Variants in ZFAND3 observed in about 807,000 individuals in gnomAD.
ZFAND3 encodes the protein zinc finger AN1-type containing 3.
A neutral mutation model predicts 29.6 loss-of-function variants in ZFAND3; 10 were observed. The ratio of observed to expected loss-of-function variants is 0.34; its 90% CI spans 0.21 to 0.57. The LOEUF (loss-of-function observed/expected upper bound fraction) is 0.57, where lower values mean the gene tolerates loss of function less well. ZFAND3 is among the 20% of genes least tolerant of loss of function. The probability of loss-of-function intolerance (pLI) is 0.86; values close to 1 mark genes in which losing one functional copy is unlikely to be tolerated. For missense variants in ZFAND3, 230 were observed against 304.5 expected, an observed-to-expected ratio of 0.76 and a Z score of 1.82; for synonymous variants, 128 against 112.6, an observed-to-expected ratio of 1.14 and a Z score of -0.87.
chr6:37,867,008 C>G (rs1345316550), intron 1 of ZFAND3, among the ~76,000 whole-genome samples: 1 of 152,178 alleles, frequency 6.6e-6, no homozygotes, highest in African/African-American at 2.4e-5. Context: ...TTGTCTCAGA[C>G]AGATGATGAC....
At chr6:37,881,863 AC>A (rs1356839470) in intron 1 of ZFAND3, among the ~76,000 whole-genome samples, 5 of 152,202 alleles carry the variant, frequency 3.3e-5, no homozygotes, top group East Asian at 1.9e-4. Context: ...AAAAAAAAAA[AC>A]ATTCCTTTGG....
intron 1 of ZFAND3, among the ~76,000 whole-genome samples, chr6:37,873,053 T>C (rs988310556): frequency 1.4e-4 from 21 of 152,106 alleles, no homozygotes; most frequent in African/African-American, 5.1e-4. Flanking sequence ...GGTCAGGAGA[T>C]CGAGACCATC....
chr6:37,983,109 A>G (rs1762606789), intron 2 of ZFAND3, among the ~76,000 whole-genome samples: 1 of 152,206 alleles, frequency 6.6e-6, no homozygotes, highest in Non-Finnish European at 1.5e-5. Flanking sequence ...AAAGAGTCCA[A>G]GGTTTTAAAA....
intron 1 of ZFAND3, among the ~76,000 whole-genome samples, chr6:37,849,589 T>C (rs963293755): frequency 3.3e-5 from 5 of 152,070 alleles, no homozygotes; most frequent in African/African-American, 2.4e-5. Context: ...TTTGTATTTT[T>C]AGTAGAGACG....
chr6:38,034,920 G>A (rs942969320), intron 2 of ZFAND3, among the ~76,000 whole-genome samples: 1 of 152,120 alleles, frequency 6.6e-6, no homozygotes, highest in African/African-American at 2.4e-5. Flanking sequence ...GGAAATAGCA[G>A]CACATAAGAA....
At chr6:37,892,284 CAT>C (rs1765119102) in intron 1 of ZFAND3, among the ~76,000 whole-genome samples, 1 of 152,192 alleles carries the variant, frequency 6.6e-6, no homozygotes, top group Non-Finnish European at 1.5e-5. Context: ...CAAATGAAGA[CAT>C]AGCATGTGAA....
intron 2 of ZFAND3, among the ~76,000 whole-genome samples, chr6:37,966,284 G>T (rs970605574): frequency 1.3e-5 from 2 of 152,174 alleles, no homozygotes; most frequent in Non-Finnish European, 2.9e-5. Context: ...GACCAGGGTT[G>T]GGTATTCTCT....
intron 2 of ZFAND3, among the ~76,000 whole-genome samples, chr6:37,979,303 T>C (rs1367643833): frequency 6.6e-6 from 1 of 152,226 alleles, no homozygotes; most frequent in Admixed American, 6.5e-5. Flanking sequence ...ATTATTCTTT[T>C]CATGGTGGGT....
chr6:38,047,875 G>A (rs1561979741), intron 2 of ZFAND3, among the ~76,000 whole-genome samples: 1 of 151,592 alleles, frequency 6.6e-6, no homozygotes, highest in Non-Finnish European at 1.5e-5. Context: ...AGATTATAGG[G>A]TCATTCGTTT....
At chr6:37,910,335 G>T (rs1412105187) in intron 1 of ZFAND3, among the ~76,000 whole-genome samples, 2 of 151,062 alleles carry the variant, frequency 1.3e-5, no homozygotes, top group Non-Finnish European at 2.9e-5. Context: ...TTGGTAACTG[G>T]CATGTAAGTG....
intron 4 of ZFAND3, among the ~76,000 whole-genome samples, chr6:38,096,016 G>T (rs1426851425): frequency 6.6e-6 from 1 of 152,108 alleles, no homozygotes; most frequent in Non-Finnish European, 1.5e-5. Context: ...CTGGGCAACA[G>T]AGCTGAGATG....
chr6:38,129,580 GT>G (rs1241110679), intron 5 of ZFAND3, among the ~76,000 whole-genome samples: 1 of 152,128 alleles, frequency 6.6e-6, no homozygotes, highest in Admixed American at 6.6e-5. Context: ...TGAAAAGGGT[GT>G]CCTTTCACCA....
chr6:37,892,002 T>A (rs183469415), intron 1 of ZFAND3, among the ~76,000 whole-genome samples: 10 of 152,322 alleles, frequency 6.6e-5, no homozygotes, highest in African/African-American at 2.4e-4. Context: ...GTGCTGAGAT[T>A]ACAGGCGTGA....
chr6:38,095,570 T>C (rs1014189015), intron 4 of ZFAND3, among the ~76,000 whole-genome samples: 4 of 152,192 alleles, frequency 2.6e-5, no homozygotes, highest in African/African-American at 9.7e-5. Flanking sequence ...AAGCCCGCGG[T>C]GACATCCTAG....
intron 3 of ZFAND3, among the ~76,000 whole-genome samples, chr6:38,075,918 A>AT (rs1373665006): frequency 6.6e-6 from 1 of 151,912 alleles, no homozygotes; most frequent in African/African-American, 2.4e-5. Context: ...CACCCAACTA[A>AT]TTTTTTTGTA....
rs566347770 is a variant in ZFAND3, at chr6:38,133,471, C to T, written c.529+16732C>T. On this transcript the variant is annotated intron_variant, in intron 5 of 5. Transcript: ENST00000287218. ...TCTTAAGAGCATTGTTGGACAAGGC[C>T]GGGCGCGGTGGCTCACGCTTGTAAT... Among the ~76,000 whole-genome samples, 12 of 152,182 alleles carry T rather than the reference C, an allele frequency of 7.9e-5. No homozygotes were observed. In the South Asian group the frequency reaches 1.2e-3, roughly 16 times the overall value.
intron 2 of ZFAND3, among the ~76,000 whole-genome samples, chr6:38,040,266 A>G (rs1346620930): frequency 6.6e-6 from 1 of 152,164 alleles, no homozygotes; most frequent in African/African-American, 2.4e-5. Context: ...ATATTTTTCA[A>G]ACTTTCAAAT....
chr6:38,103,443 ATATATATACACACATATATACACGTG>A (rs1765139848), intron 4 of ZFAND3, among the ~76,000 whole-genome samples: 5 of 71,850 alleles, frequency 7.0e-5, no homozygotes, highest in Admixed American at 1.3e-4. Context: ...ATACACGTGT[ATATATATACACACATATATACACGTG>A]TATATATATA....
At chr6:37,990,167 G>C (rs1459655736) in intron 2 of ZFAND3, among the ~76,000 whole-genome samples, 1 of 152,152 alleles carries the variant, frequency 6.6e-6, no homozygotes, top group Non-Finnish European at 1.5e-5. Flanking sequence ...CTGGGTAAGA[G>C]CTGGAGAATT....
Sources: allele counts gnomAD v4.1 joint callset (sites outside exome capture counted in the v4.1 genomes callset), GRCh38; gene constraint gnomAD v4.1.1; transcripts MANE v1.5; gene names NCBI Gene and HGNC (gene_info 2026-07-23, HGNC 2026-07-21).